The following GRAMD1B variants were observed in gnomAD, a reference collection of about 807,000 sequenced individuals.
The protein encoded by GRAMD1B is protein Aster-B.
A neutral mutation model predicts 99.7 loss-of-function variants in GRAMD1B; 37 were observed. The ratio of observed to expected loss-of-function variants is 0.37; its 90% confidence interval spans 0.29 to 0.49. The LOEUF is 0.49. Among genes scored for constraint, GRAMD1B ranks in the 20% least tolerant of loss-of-function variants. The pLI is 0.98. For missense variants in GRAMD1B, 888 were observed against 1,009.2 expected (o/e 0.88, Z 1.63); for synonymous variants, 427 against 387.6 (o/e 1.10, Z -1.19).
At chr11:123,368,435 C>A (rs1247846909) in intron 1 of GRAMD1B, among the ~76,000 whole-genome samples, 1 of 151,578 alleles carries the variant, frequency 6.6e-6, no homozygotes, top group Middle Eastern at 3.4e-3. Context: ...AATCCCAGCA[C>A]TTTAGGAGGC....
chr11:123,598,583 T>A (rs953466395), intron 7 of GRAMD1B: 47 of 1,549,948 alleles, frequency 3.0e-5, no homozygotes, highest in Non-Finnish European at 3.6e-5. Context: ...CTAGGGACTT[T>A]CCTTTGGTGC....
rs144299530 is a variant in GRAMD1B at position 123,603,406 on chromosome 11, G to A, written c.1051-20G>A. 2,995 of 1,461,454 alleles carry A rather than the reference G, an allele frequency of 2.0e-3. 27 individuals are homozygous for A. The highest frequency in any genetic ancestry group is 0.019 in the Admixed American group (1,153 of 59,640). 90.5% of individuals were successfully genotyped at this position (1,461,454 alleles called of 1,614,324 possible). ...GGACCTGAGGGAGCAAGGCTCAGTC[G>A]TTCCTTTTCTCCCCTGAAGCCTCTG... On this transcript the variant is annotated intron_variant, in intron 8 of 19. Transcript: ENST00000635736.
chr11:123,404,753 T>C (rs1947794697), intron 1 of GRAMD1B, among the ~76,000 whole-genome samples: 1 of 152,268 alleles, frequency 6.6e-6, no homozygotes, highest in Non-Finnish European at 1.5e-5. Context: ...CGTCTGCTGT[T>C]TCATGGCCTT....
intron 8 of GRAMD1B, among the ~76,000 whole-genome samples, chr11:123,602,282 G>A (rs1449814410): frequency 1.3e-5 from 2 of 150,860 alleles, no homozygotes; most frequent in Admixed American, 6.7e-5. Flanking sequence ...ACCTGAAACT[G>A]TGGGCTTGGG....
chr11:123,618,787 A>C lies in GRAMD1B; in HGVS notation c.2413A>C (p.Arg805=), dbSNP rs1233253924. The change falls in exon 18 of 20, where the codon AGG becomes CGG. Residue 805 remains arginine, a synonymous_variant. Coordinates refer to ENST00000635736, the MANE Select transcript of GRAMD1B (RefSeq NM_001387025.1). ...TQTLTAWQGL[R]LQERLPQSQT... ...GACCCTCACTGCCTGGCAGGGTCTA[A>C]GGCTCCAAGAAAGGTAATCCTGGCC... The C allele has an allele frequency of 4.5e-6, 7 of 1,542,966 alleles. No individual in the cohort carries two copies. The South Asian group carries it at 8.2e-5, about 18-fold the overall frequency.
intron 2 of GRAMD1B, chr11:123,559,535 G>T (rs924999752): frequency 4.7e-6 from 1 of 212,070 alleles, no homozygotes; most frequent in Non-Finnish European, 8.1e-6. Context: ...TATTAATATC[G>T]TTGCTGAATA....
At position 123,468,775 on chromosome 11, in the gene GRAMD1B, G is replaced by A. The variant is rs141523110; in HGVS notation, c.375-12041G>A. The stretch of plus-strand genomic sequence containing the variant: ...TCCTGCCACTGCATCCAGCCAGGGT[G>A]ACAGATTGAGACCCTGTATCAAAAA... On this transcript the variant is annotated intron_variant, in intron 1 of 19. Coordinates refer to ENST00000635736, the MANE Select transcript of GRAMD1B (RefSeq NM_001387025.1). Among the ~76,000 whole-genome samples the A allele has an allele frequency of 7.4e-4, 100 of 134,498 alleles. 1 individual carries two copies. The highest frequency in any genetic ancestry group is 2.8e-3 in the African/African-American group (100 of 35,240). The allele number at this position is 134,498 out of a possible 152,430, so 88.2% of individuals were successfully genotyped here.
intron 3 of GRAMD1B, 80 bp downstream of exon 3, chr11:123,577,657 T>C: frequency 2.9e-6 from 3 of 1,046,750 alleles, no homozygotes; most frequent in Non-Finnish European, 4.3e-6. Context: ...CCGGAGAACA[T>C]CTGCGAGGGT....
chr11:123,544,308 T>G (rs1486287586), intron 2 of GRAMD1B, among the ~76,000 whole-genome samples: 2 of 152,136 alleles, frequency 1.3e-5, no homozygotes, highest in Non-Finnish European at 2.9e-5. Context: ...GTACCCAAGG[T>G]CAAGTACCAG....
chr11:123,597,012 A>C (rs1320205904), intron 7 of GRAMD1B, among the ~76,000 whole-genome samples: 1 of 152,190 alleles, frequency 6.6e-6, no homozygotes, highest in South Asian at 2.1e-4. Flanking sequence ...TTGTAGAAGA[A>C]ACAGGTAGAC....
chr11:123,499,775 C>A (rs571817779), intron 2 of GRAMD1B, among the ~76,000 whole-genome samples: 9 of 152,300 alleles, frequency 5.9e-5, no homozygotes, highest in African/African-American at 2.2e-4. Flanking sequence ...CTTCCCCACA[C>A]AAAAGCTCTC....
intron 2 of GRAMD1B, among the ~76,000 whole-genome samples, chr11:123,554,525 CAAAA>C (rs750680684): frequency 6.9e-4 from 60 of 86,536 alleles, no homozygotes; most frequent in African/African-American, 1.9e-3. Flanking sequence ...CCCATCTTTA[CAAAA>C]AAAAAAAAAA....
At position 123,627,451 on chromosome 11, in the gene GRAMD1B, G is replaced by A. The variant is rs538314980; in HGVS notation, c.*4856G>A. ...CCCAACTCAACCTAGACTCCAAGGT[G>A]GGGAGGGATGGGTCAGAGGCCATAG... is the stretch of plus-strand genomic sequence containing the variant. On this transcript the variant is annotated 3_prime_UTR_variant, in exon 20 of 20. Coordinates refer to ENST00000635736, the MANE Select transcript of GRAMD1B (RefSeq NM_001387025.1). 1.3e-5 allele frequency: 2 copies of A among 152,392 alleles called. No individual in the cohort carries two copies. Among genetic ancestry groups the A allele is most frequent in the African/African-American group, 4.8e-5 (2 of 41,468 alleles). The allele number at this position is 152,392 out of a possible 1,614,324, so 9.4% of individuals were successfully genotyped here.
intron 2 of GRAMD1B, 142 bp from the exon 3 acceptor site, chr11:123,577,223 CCT>C: frequency 1.4e-6 from 1 of 708,322 alleles, no homozygotes; most frequent in South Asian, 1.7e-5. Flanking sequence ...AGCCTGGGCC[CCT>C]CTCTCCCGGT....
chr11:123,540,237 G>GTT (rs1196747903), intron 2 of GRAMD1B, among the ~76,000 whole-genome samples: 3 of 145,726 alleles, frequency 2.1e-5, no homozygotes, highest in African/African-American at 8.3e-5. Context: ...AGGTTTTTTG[G>GTT]TTGTTTTTTT....
intron 1 of GRAMD1B, chr11:123,459,015 G>C (rs1264239052): frequency 1.4e-4 from 22 of 152,100 alleles, no homozygotes; most frequent in Admixed American, 1.4e-3. Context: ...AGAATATTCA[G>C]ACAATCACAG....
chr11:123,405,083 CAG>C (rs150231480), intron 1 of GRAMD1B, among the ~76,000 whole-genome samples: 49 of 148,180 alleles, frequency 3.3e-4, no homozygotes, highest in Non-Finnish European at 3.4e-4. Flanking sequence ...TAGCAAGAGA[CAG>C]AGAGAGAGAG....
chr11:123,586,238 G>A (rs1334472442), intron 4 of GRAMD1B, among the ~76,000 whole-genome samples: 1 of 152,144 alleles, frequency 6.6e-6, no homozygotes, highest in African/African-American at 2.4e-5. Context: ...TGGGCGTGAC[G>A]GAGTCCTGCT....
At chr11:123,388,779 GCCTGCAACCTGCAAGAGGGC>G (rs1434471693) in intron 1 of GRAMD1B, among the ~76,000 whole-genome samples, 2 of 152,192 alleles carry the variant, frequency 1.3e-5, no homozygotes, top group African/African-American at 4.8e-5. Flanking sequence ...GAAGTCATCA[GCCTGCAACCTGCAAGAGGGC>G]CCTGCTAGAA....
Sources: gnomAD v4.1 joint callset for allele counts (sites outside exome capture counted in the v4.1 genomes callset) on GRCh38, gnomAD v4.1.1 for gene constraint, MANE v1.5 for transcripts, NCBI Gene and HGNC (gene_info 2026-07-23, HGNC 2026-07-21) for gene names.